MIB1: variants seen among roughly 807,000 people sequenced by gnomAD.
MIB1 encodes the protein MIB E3 ubiquitin protein ligase 1.
A neutral mutation model predicts 124.5 loss-of-function variants in MIB1; 278 were observed. That is an observed-to-expected ratio of 2.23 (90% CI 2.02 to 2.47). The LOEUF (loss-of-function observed/expected upper bound fraction) is 2.47. Among genes scored for constraint, MIB1 ranks in the 30% most tolerant of loss-of-function variants. MIB1 has a pLI of 0.00. For synonymous variants in MIB1, 446 were observed against 429.4 expected (o/e 1.04, Z -0.48); for missense variants, 957 against 1,254.4 (o/e 0.76, Z 3.58).
At chr18:21,793,526 A>C (rs1448503636) in intron 7 of MIB1, among the ~76,000 whole-genome samples, 1 of 152,124 alleles carries the variant, frequency 6.6e-6, no homozygotes, top group African/African-American at 2.4e-5. Flanking sequence ...TCATGTCTGT[A>C]ATCCCAGTGC....
At chr18:21,784,380 G>A (rs753524899) in intron 6 of MIB1, among the ~76,000 whole-genome samples, 9 of 152,014 alleles carry the variant, frequency 5.9e-5, no homozygotes, top group African/African-American at 1.2e-4. Flanking sequence ...TCTACTATAC[G>A]TTTTTTCTTC....
chr18:21,706,455 C>G (rs1313818270), intron 1 of MIB1, among the ~76,000 whole-genome samples: 1 of 152,170 alleles, frequency 6.6e-6, no homozygotes, highest in Non-Finnish European at 1.5e-5. Context: ...ACTGTGGGAG[C>G]CCCTCTCTGG....
chr18:21,753,968 G>A (rs1041217271), intron 1 of MIB1, among the ~76,000 whole-genome samples: 1 of 152,134 alleles, frequency 6.6e-6, no homozygotes, highest in African/African-American at 2.4e-5. Context: ...GTGAGCCATG[G>A]CGCCTGGCCA....
At chr18:21,820,446 T>C (rs1222466072) in intron 12 of MIB1, among the ~76,000 whole-genome samples, 2 of 152,212 alleles carry the variant, frequency 1.3e-5, no homozygotes, top group Non-Finnish European at 2.9e-5. Context: ...ATGTTTCCTT[T>C]AGCTTCTTAG....
rs10653364 is a variant in MIB1, at chr18:21,749,641, C to CTTTTTTTTT, written c.229+7837_229+7845dup. ...TTTTTCTAATTACTGCTACCTTACT[C>CTTTTTTTTT]TTTTTTTTTTTTTTTTGAAATGGAG... On this transcript the variant is annotated intron_variant, in intron 1 of 20. Coordinates refer to ENST00000261537, the MANE Select transcript of MIB1 (RefSeq NM_020774.4). Among the ~76,000 whole-genome samples the CTTTTTTTTT allele has an allele frequency of 2.4e-3, 272 of 114,462 alleles. 3 individuals carry two copies. The highest frequency in any genetic ancestry group is 4.7e-3 in the African/African-American group (113 of 23,796). The allele number at this position is 114,462 out of a possible 152,430, so 75.1% of individuals were successfully genotyped here. A position where few individuals can be genotyped will look rare whatever the true frequency, so the allele number is the denominator to read the frequency against.
intron 1 of MIB1, among the ~76,000 whole-genome samples, chr18:21,734,090 T>G (rs1178519379): frequency 6.6e-6 from 1 of 151,784 alleles, no homozygotes; most frequent in African/African-American, 2.4e-5. Flanking sequence ...AAATATGATA[T>G]TTGTTCTTGC....
chr18:21,767,548 AT>A (rs541405792), intron 2 of MIB1, among the ~76,000 whole-genome samples: 3 of 148,362 alleles, frequency 2.0e-5, no homozygotes, highest in East Asian at 3.9e-4. Context: ...AATAATGGCT[AT>A]TTTTTTTTTG....
chr18:21,784,950 G>A (rs1468108980), intron 6 of MIB1, among the ~76,000 whole-genome samples: 6 of 152,174 alleles, frequency 3.9e-5, no homozygotes, highest in African/African-American at 9.7e-5. Flanking sequence ...CAGTGGTCAC[G>A]TTCCTGGTCC....
upstream of MIB1, among the ~76,000 whole-genome samples, chr18:21,738,773 C>T (rs536270140): frequency 9.6e-6 from 1 of 104,598 alleles, no homozygotes; most frequent in Non-Finnish European, 1.7e-5. Context: ...CACCACTGCA[C>T]TCCAGCCTGG....
intron 1 of MIB1, among the ~76,000 whole-genome samples, chr18:21,754,515 C>T (rs374440131): frequency 3.3e-5 from 5 of 152,034 alleles, no homozygotes; most frequent in African/African-American, 1.2e-4. Flanking sequence ...TTGTGGGGCT[C>T]GTGTTCACAT....
chr18:21,783,489 C>T (rs1046502507), intron 6 of MIB1, among the ~76,000 whole-genome samples: 1 of 151,994 alleles, frequency 6.6e-6, no homozygotes, highest in Non-Finnish European at 1.5e-5. Flanking sequence ...GTGGTCCTCC[C>T]GCCTCAGCCT....
chr18:21,780,752 T>C (rs149648366), intron 6 of MIB1, among the ~76,000 whole-genome samples: 1 of 152,174 alleles, frequency 6.6e-6, no homozygotes, highest in Non-Finnish European at 1.5e-5. Context: ...CCGGCCCACA[T>C]TTTCTTTATC....
At chr18:21,713,828 A>T (rs1230174545) in intron 1 of MIB1, among the ~76,000 whole-genome samples, 1 of 148,018 alleles carries the variant, frequency 6.8e-6, no homozygotes, top group Admixed American at 6.8e-5. Context: ...TGAACTCCTG[A>T]CCTCAAGTGA....
At chr18:21,816,899 T>C (rs1598625066) in intron 11 of MIB1, among the ~76,000 whole-genome samples, 1 of 150,968 alleles carries the variant, frequency 6.6e-6, no homozygotes, top group Non-Finnish European at 1.5e-5. Flanking sequence ...ATTGGGGGGG[T>C]GTTAATCTGT....
chr18:21,759,435 G>A (rs1021262026), intron 1 of MIB1, among the ~76,000 whole-genome samples: 2 of 151,718 alleles, frequency 1.3e-5, no homozygotes, highest in East Asian at 3.9e-4. Flanking sequence ...TAGAGACGGG[G>A]TTTCACCATG....
chr18:21,815,039 ATATATATATATATATAT>A (rs2041815470), intron 10 of MIB1, among the ~76,000 whole-genome samples: 1 of 129,814 alleles, frequency 7.7e-6, no homozygotes, highest in African/African-American at 3.0e-5. Flanking sequence ...ATATATATAT[ATATATATATATATATAT>A]AAAATTATAT....
chr18:21,732,391 CACAG>C (rs1382185988), intron 1 of MIB1, among the ~76,000 whole-genome samples: 3 of 146,378 alleles, frequency 2.0e-5, no homozygotes, highest in African/African-American at 5.2e-5. Context: ...CACACACACA[CACAG>C]AGCAAGAGAG....
chr18:21,756,767 A>G (rs1568188463), intron 1 of MIB1, among the ~76,000 whole-genome samples: 1 of 152,194 alleles, frequency 6.6e-6, no homozygotes, highest in South Asian at 2.1e-4. Flanking sequence ...CGTGGAGTCA[A>G]AATGTATTTT....
Position 21,791,366 on chromosome 18 carries a change from T to A in MIB1, c.909-8T>A. 1 of 1,591,808 alleles carries A rather than the reference T, an allele frequency of 6.3e-7. No individual in the cohort carries two copies. On this transcript the variant is annotated splice_polypyrimidine_tract_variant and splice_region_variant and intron_variant, in intron 6 of 20. Coordinates refer to ENST00000261537, the MANE Select transcript of MIB1 (RefSeq NM_020774.4). The stretch of plus-strand genomic sequence containing the variant: ...TACCCATTTTGAGGTTTAGCTTTGC[T>A]CTTGTAGGTGGACCTTCAATCCTGC...
Sources: gnomAD v4.1 joint callset for allele counts (sites outside exome capture counted in the v4.1 genomes callset) on GRCh38, gnomAD v4.1.1 for gene constraint, MANE v1.5 for transcripts, NCBI Gene and HGNC (gene_info 2026-07-23, HGNC 2026-07-21) for gene names.